POGLUT3: variants seen among roughly 807,000 people sequenced by gnomAD.
POGLUT3 encodes the protein protein O-glucosyltransferase 3.
A neutral mutation model predicts 54.3 loss-of-function variants in POGLUT3; 48 were observed. That is an observed-to-expected ratio of 0.88 (90% CI 0.70 to 1.12). The LOEUF is 1.12. POGLUT3 is among the 50% of genes most tolerant of loss of function. POGLUT3 has a pLI of 0.00. For missense variants in POGLUT3, 629 were observed against 618.7 expected, an observed-to-expected ratio of 1.02 and a Z score of -0.18; for synonymous variants, 218 against 237.4, an observed-to-expected ratio of 0.92 and a Z score of 0.75.
At position 108,482,046 on chromosome 11, in the gene POGLUT3, C is replaced by T. The variant is rs1435796951; in HGVS notation, c.861G>A (p.Arg287=). Residue 287 remains arginine (R), a synonymous_variant, in exon 4 of 8, where the codon CGG becomes CGA. Coordinates refer to ENST00000323468, the MANE Select transcript of POGLUT3 (RefSeq NM_153705.5). Reference sequence around the variant, plus strand: ...TAGAGAGGAGATCATTTGTAACACCCCGCATGGCTTCAAGCATGGAGTGGG... The same window carrying T: ...TAGAGAGGAGATCATTTGTAACACCTCGCATGGCTTCAAGCATGGAGTGGG... ...DITHSMLEAM[R]GVTNDLLSIQ... The T allele has an allele frequency of 6.2e-7, 1 of 1,613,994 alleles. No individual in the cohort carries two copies. The highest frequency in any genetic ancestry group is 1.3e-5 in the African/African-American group (1 of 74,912).
rs2093603510 is a variant in POGLUT3 at position 108,486,388 on chromosome 11, C to T, written c.453G>A (p.Gln151=). The change falls in exon 3 of 8, where the codon CAG becomes CAA. Residue 151 remains glutamine (Q), a synonymous_variant. Transcript: ENST00000323468. ...CCTTGGTTGGACAAGAAAGAGTCTT[C>T]TGCCAGGCCTGAGGATCTTCCGGAC... The part of the protein sequence containing the change: ...CECPEDPQAW[Q]KTLSCPTKEP... 1.2e-6 allele frequency: 2 copies of T among 1,613,996 alleles called. No homozygotes were observed. Among genetic ancestry groups the T allele is most frequent in the South Asian group, 1.1e-5 (1 of 91,086 alleles).
At chr11:108,488,594 A>T (rs2093607852) in intron 2 of POGLUT3, among the ~76,000 whole-genome samples, 1 of 152,220 alleles carries the variant, frequency 6.6e-6, no homozygotes, top group Non-Finnish European at 1.5e-5. Context: ...AGAGAACGTT[A>T]GAGATCTATA....
chr11:108,495,233 C>T (rs1020336926), intron 1 of POGLUT3, among the ~76,000 whole-genome samples: 6 of 152,226 alleles, frequency 3.9e-5, no homozygotes, highest in Non-Finnish European at 8.8e-5. Flanking sequence ...TGCAGTGGCA[C>T]AATCTCAGCT....
At chr11:108,497,603 A>T (rs2093624424) in intron 1 of POGLUT3, among the ~76,000 whole-genome samples, 1 of 152,180 alleles carries the variant, frequency 6.6e-6, no homozygotes, top group African/African-American at 2.4e-5. Flanking sequence ...GGGAAAACCG[A>T]ATGATTTCTA....
intron 1 of POGLUT3, among the ~76,000 whole-genome samples, chr11:108,492,593 G>T (rs866486110): frequency 1.3e-5 from 2 of 151,750 alleles, no homozygotes; most frequent in Non-Finnish European, 2.9e-5. Context: ...ATCTTTAAGG[G>T]TTTTTTTTCT....
At chr11:108,483,590 C>A (rs2093596786) in intron 3 of POGLUT3, among the ~76,000 whole-genome samples, 1 of 152,206 alleles carries the variant, frequency 6.6e-6, no homozygotes, top group Admixed American at 6.5e-5. Context: ...AGATTTATTT[C>A]TTCCCCAGCC....
In POGLUT3 at chr11:108,498,103, G is replaced by A. The variant is rs569153282; in HGVS notation, c.202+62C>T. ...CCACGCAGGCCGCGGGCGGACTCCC[G>A]GGCGGCGGGGACGCGCGGGGACCCG... On this transcript the variant is annotated intron_variant, in intron 1 of 7. Transcript: ENST00000323468. The A allele has an allele frequency of 1.6e-5, 22 of 1,403,116 alleles. No individual in the cohort carries two copies. The African/African-American group carries it at 3.0e-4, about 19-fold the overall frequency. The allele number at this position is 1,403,116 out of a possible 1,614,324, so 86.9% of individuals were successfully genotyped here.
intron 2 of POGLUT3, chr11:108,486,655 C>T (rs566228573): frequency 9.7e-6 from 5 of 517,254 alleles, no homozygotes; most frequent in Non-Finnish European, 1.4e-5. Flanking sequence ...TGCCCTCTCC[C>T]AATCTAACCT....
intron 2 of POGLUT3, among the ~76,000 whole-genome samples, chr11:108,490,461 A>G (rs1333625499): frequency 6.6e-6 from 1 of 152,008 alleles, no homozygotes; most frequent in African/African-American, 2.4e-5. Context: ...TCAGCCTCCC[A>G]AATTGTTGGG....
rs1407004915 is a variant in POGLUT3 at position 108,472,846 on chromosome 11, T to A, written c.*1981A>T. ...CTCAGGACAGCTTGCTCTTATTTAA[T>A]ACTTGCGTGCTTGTGGTTTTGCACA... On this transcript the variant is annotated 3_prime_UTR_variant, in exon 8 of 8. Coordinates refer to ENST00000323468, the MANE Select transcript of POGLUT3 (RefSeq NM_153705.5). The A allele has an allele frequency of 1.3e-5, 2 of 152,214 alleles. No homozygotes were observed. The highest frequency in any genetic ancestry group is 2.9e-5 in the Non-Finnish European group (2 of 68,038). 9.4% of individuals were successfully genotyped at this position (152,214 alleles called of 1,614,324 possible).
intron 6 of POGLUT3, 81 bp downstream of exon 6, chr11:108,479,220 T>C (rs1480799744): frequency 3.2e-6 from 3 of 926,422 alleles, no homozygotes; most frequent in Non-Finnish European, 4.8e-6. Context: ...TTATGTCAAA[T>C]CAAATTGTAT....
rs766681951 is a variant in POGLUT3, at chr11:108,477,721, T to TA, written c.1294-11dup. 2.6e-5 allele frequency: 40 copies of TA among 1,538,572 alleles called. No individual in the cohort carries two copies. The highest frequency in any genetic ancestry group is 4.1e-5 in the African/African-American group (3 of 73,118). On this transcript the variant is annotated splice_polypyrimidine_tract_variant and intron_variant, in intron 6 of 7. Transcript: ENST00000323468. ...CTTCTTCATCATTTTCCTGAAAGGTTAAAAAAAATAAAAATGAATGAAAAT... is the reference window on the plus strand; with the variant it reads ...CTTCTTCATCATTTTCCTGAAAGGTTAAAAAAAAATAAAAATGAATGAAAAT...
chr11:108,480,347 T>A (rs923277176), intron 5 of POGLUT3, among the ~76,000 whole-genome samples: 2 of 152,222 alleles, frequency 1.3e-5, no homozygotes, highest in Middle Eastern at 3.2e-3. Flanking sequence ...GTCTGCATAT[T>A]TGTTGGGTTA....
chr11:108,484,423 A>G (rs2093598843), intron 3 of POGLUT3, among the ~76,000 whole-genome samples: 1 of 152,158 alleles, frequency 6.6e-6, no homozygotes, highest in Admixed American at 6.5e-5. Flanking sequence ...CACAGTCAGC[A>G]TACTTGGGGA....
At chr11:108,478,287 T>C (rs950164129) in intron 6 of POGLUT3, 3 of 153,060 alleles carry the variant, frequency 2.0e-5, no homozygotes, top group African/African-American at 7.2e-5. Flanking sequence ...TCCACAGTAC[T>C]AGGAAGCCAC....
At chr11:108,487,990 C>A (rs1169948922) in intron 2 of POGLUT3, among the ~76,000 whole-genome samples, 2 of 151,940 alleles carry the variant, frequency 1.3e-5, no homozygotes, top group Non-Finnish European at 2.9e-5. Context: ...GAAAACACTC[C>A]CACAAAACAT....
intron 4 of POGLUT3, among the ~76,000 whole-genome samples, chr11:108,481,678 T>C (rs2093592916): frequency 6.6e-6 from 1 of 152,162 alleles, no homozygotes; most frequent in Non-Finnish European, 1.5e-5. Context: ...TGTATTCTGT[T>C]GTATAATACT....
chr11:108,480,361 T>G (rs1332289727), intron 5 of POGLUT3, among the ~76,000 whole-genome samples: 1 of 152,256 alleles, frequency 6.6e-6, no homozygotes, highest in Non-Finnish European at 1.5e-5. Flanking sequence ...TGGGTTAATA[T>G]ACTTTGTTTT....
chr11:108,486,436 T>A lies in POGLUT3; in HGVS notation c.405A>T (p.Pro135=). The A allele has an allele frequency of 6.2e-7, 1 of 1,613,018 alleles. No individual in the cohort carries two copies. Among genetic ancestry groups the A allele is most frequent in the Non-Finnish European group, 8.5e-7 (1 of 1,179,148 alleles). ...VAQSPYILKG[P]VYHEYCECPE... ...GACACTCACAGTACTCATGGTACAC[T>A]GGTCCTAGGGAAGGAAAACATGAAA... The change falls in exon 3 of 8, where the codon CCA becomes CCT. Residue 135 remains proline, a synonymous_variant. Coordinates refer to ENST00000323468, the MANE Select transcript of POGLUT3 (RefSeq NM_153705.5).
Sources: gnomAD v4.1 joint callset for allele counts (sites outside exome capture counted in the v4.1 genomes callset) on GRCh38, gnomAD v4.1.1 for gene constraint, MANE v1.5 for transcripts, NCBI Gene and HGNC (gene_info 2026-07-23, HGNC 2026-07-21) for gene names.